Variants in ROBO2 observed in about 807,000 individuals in gnomAD.
ROBO2 encodes the protein roundabout homolog 2.
Under a neutral mutation model 160.8 loss-of-function variants are expected in ROBO2, and 53 were observed. The observed-to-expected ratio is 0.33, with a 90% confidence interval of 0.26 to 0.41. The LOEUF is 0.41. Ranked by LOEUF, ROBO2 falls within the 10% of genes least tolerant of loss-of-function variation. ROBO2 has a pLI of 1.00. For missense variants in ROBO2, 1,577 were observed against 1,722.4 expected (o/e 0.92, Z 1.49); for synonymous variants, 664 against 611.7 (o/e 1.09, Z -1.26).
chr3:77,445,870 T>G (rs1160030553), intron 2 of ROBO2, among the ~76,000 whole-genome samples: 1 of 151,522 alleles, frequency 6.6e-6, no homozygotes, highest in Non-Finnish European at 1.5e-5. Context: ...AATTCCATTT[T>G]GAAACTGTGT....
At chr3:77,361,714 C>T (rs1394132118) in intron 2 of ROBO2, among the ~76,000 whole-genome samples, 1 of 152,070 alleles carries the variant, frequency 6.6e-6, no homozygotes. Flanking sequence ...ACGTAAACAC[C>T]CTTGGCCCCG....
chr3:77,024,054 G>A (rs967810895), intron 2 of ROBO2, among the ~76,000 whole-genome samples: 2 of 152,134 alleles, frequency 1.3e-5, no homozygotes, highest in African/African-American at 4.8e-5. Context: ...TGTAGATCGT[G>A]TATATATGTG....
chr3:76,294,508 G>A (rs1708970550), intron 2 of ROBO2, among the ~76,000 whole-genome samples: 2 of 152,150 alleles, frequency 1.3e-5, no homozygotes, highest in East Asian at 3.9e-4. Flanking sequence ...TTAGCCAGAT[G>A]CTATTTTCCA....
chr3:76,751,986 T>G (rs1407452640), intron 2 of ROBO2, among the ~76,000 whole-genome samples: 3 of 152,096 alleles, frequency 2.0e-5, no homozygotes, highest in Non-Finnish European at 2.9e-5. Context: ...AAAAGACACA[T>G]GCACACGTAT....
At chr3:76,480,024 TAGAAAAAGGA>T (rs1336434165) in intron 2 of ROBO2, among the ~76,000 whole-genome samples, 1 of 125,496 alleles carries the variant, frequency 8.0e-6, no homozygotes, top group Admixed American at 9.0e-5. Context: ...CTTTTTTAAA[TAGAAAAAGGA>T]GGAAGAAGGA....
intron 2 of ROBO2, among the ~76,000 whole-genome samples, chr3:77,140,156 T>C (rs929531371): frequency 1.3e-5 from 2 of 152,254 alleles, no homozygotes; most frequent in African/African-American, 4.8e-5. Flanking sequence ...CAAATGCTTC[T>C]GTTAACAACA....
intron 2 of ROBO2, among the ~76,000 whole-genome samples, chr3:76,205,778 C>T (rs1290782753): frequency 1.3e-5 from 2 of 152,114 alleles, no homozygotes; most frequent in Non-Finnish European, 2.9e-5. Flanking sequence ...AGAGTATCCC[C>T]TTCATAAAAT....
At chr3:75,908,131 A>G (rs1419005704) in intron 1 of ROBO2, among the ~76,000 whole-genome samples, 1 of 152,172 alleles carries the variant, frequency 6.6e-6, no homozygotes, top group South Asian at 2.1e-4. Context: ...AATAGCAGGT[A>G]AGTATACAAA....
intron 23 of ROBO2, among the ~76,000 whole-genome samples, chr3:77,625,099 A>T (rs1021692997): frequency 6.6e-6 from 1 of 152,212 alleles, no homozygotes; most frequent in African/African-American, 2.4e-5. Context: ...TTTTTATAAC[A>T]ACTAATTTGT....
At chr3:77,457,319 G>A (rs2153567746) in intron 2 of ROBO2, among the ~76,000 whole-genome samples, 1 of 152,042 alleles carries the variant, frequency 6.6e-6, no homozygotes, top group East Asian at 1.9e-4. Context: ...TTCTTTCTGT[G>A]AGCTCTTTTA....
In ROBO2 at chr3:76,334,696, G is replaced by A. The variant is rs560216219; in HGVS notation, c.109+397094G>A. Among the ~76,000 whole-genome samples the A allele has an allele frequency of 3.3e-4, 50 of 152,292 alleles. No individual in the cohort carries two copies. In the Middle Eastern group the frequency reaches 0.01, roughly 31 times the overall value. On this transcript the variant is annotated intron_variant, in intron 2 of 26. Coordinates refer to the ROBO2 transcript ENST00000487694. ...AGGAGAACTATCAGTGGACATCTAAGTGTCGGTGTTTCTCCTAACTATAGG... is the reference window on the plus strand; with the variant it reads ...AGGAGAACTATCAGTGGACATCTAAATGTCGGTGTTTCTCCTAACTATAGG...
intron 2 of ROBO2, among the ~76,000 whole-genome samples, chr3:76,328,781 C>T (rs2073232373): frequency 6.6e-6 from 1 of 151,868 alleles, no homozygotes; most frequent in Non-Finnish European, 1.5e-5. Context: ...CTGGCGTGAA[C>T]CCGGGAGGCG....
rs1008394214 is a variant in ROBO2, at chr3:76,077,461, G to C, written c.109+139859G>C. Among the ~76,000 whole-genome samples the C allele has an allele frequency of 3.3e-5, 5 of 152,268 alleles. No homozygotes were observed. The Middle Eastern group carries it at 0.014, about 414-fold the overall frequency. ...ACCTGTAGTCCCAGGTACTCAGGAG[G>C]CTGAGGCAGGAGAATTGCTTGAACT... On this transcript the variant is annotated intron_variant, in intron 2 of 26. Coordinates refer to the ROBO2 transcript ENST00000487694.
chr3:76,622,664 T>G (rs1459587003), intron 2 of ROBO2, among the ~76,000 whole-genome samples: 1 of 152,128 alleles, frequency 6.6e-6, no homozygotes, highest in African/African-American at 2.4e-5. Context: ...TCTGCCCCAG[T>G]CATTGACCAC....
chr3:76,214,366 T>A (rs779311235), intron 2 of ROBO2, among the ~76,000 whole-genome samples: 10 of 152,136 alleles, frequency 6.6e-5, no homozygotes, highest in Non-Finnish European at 1.2e-4. Flanking sequence ...GGACGAGGCA[T>A]TGCCTCACCC....
chr3:76,436,205 T>G (rs2076675301), intron 2 of ROBO2, among the ~76,000 whole-genome samples: 1 of 84,446 alleles, frequency 1.2e-5, no homozygotes, highest in South Asian at 3.6e-4. Context: ...TTTTTTTTAT[T>G]TTTTTATTAT....
chr3:77,192,650 C>CT (rs71629633), intron 2 of ROBO2, among the ~76,000 whole-genome samples: 4,721 of 109,842 alleles, frequency 0.043, 389 homozygotes, highest in East Asian at 0.23. Context: ...AACACAATTC[C>CT]TTTTTTTTTT....
intron 2 of ROBO2, among the ~76,000 whole-genome samples, chr3:76,449,155 T>C (rs986633926): frequency 2.0e-5 from 3 of 152,064 alleles, no homozygotes; most frequent in African/African-American, 7.2e-5. Context: ...ATAGAAAAAA[T>C]GTTTTGATCT....
At chr3:76,369,586 A>T (rs1055924563) in intron 2 of ROBO2, among the ~76,000 whole-genome samples, 3 of 151,874 alleles carry the variant, frequency 2.0e-5, no homozygotes, top group Non-Finnish European at 4.4e-5. Flanking sequence ...TTCAAATTTG[A>T]CCTAACCTGG....
Sources: gnomAD v4.1 joint callset for allele counts (sites outside exome capture counted in the v4.1 genomes callset) on GRCh38, gnomAD v4.1.1 for gene constraint, MANE v1.5 for transcripts, NCBI Gene and HGNC (gene_info 2026-07-23, HGNC 2026-07-21) for gene names.